Variants in ZNF486 observed in about 807,000 individuals in gnomAD.
The protein encoded by ZNF486 is KRAB box only protein 2.
In ZNF486, 12 loss-of-function variants were observed where a neutral mutation model predicts 12.8. That is an observed-to-expected ratio of 0.94 (90% CI 0.60 to 1.52). ZNF486 has a LOEUF of 1.52. Ranked by LOEUF, ZNF486 falls within the 40% of genes most tolerant of loss-of-function variation. The pLI is 0.00. For synonymous variants in ZNF486, 231 were observed against 184.9 expected (o/e 1.25, Z -2.02); for missense variants, 738 against 545.0 (o/e 1.35, Z -3.53).
chr19:20,173,257 G>T (rs1444252893), intron 1 of ZNF486, among the ~76,000 whole-genome samples: 1 of 152,114 alleles, frequency 6.6e-6, no homozygotes, highest in Non-Finnish European at 1.5e-5. Flanking sequence ...TAACGAAGGG[G>T]TCCAGCTTTA....
intron 1 of ZNF486, among the ~76,000 whole-genome samples, chr19:20,180,079 C>G (rs751491997): frequency 1.2e-4 from 18 of 152,218 alleles, no homozygotes; most frequent in Admixed American, 1.2e-3. Context: ...ATTGGGCCAA[C>G]AGCCCTGGTT....
At chr19:20,187,507 T>TC (rs1568323877) in intron 3 of ZNF486, among the ~76,000 whole-genome samples, 1 of 147,768 alleles carries the variant, frequency 6.8e-6, no homozygotes, top group African/African-American at 2.5e-5. Flanking sequence ...CAAGTTTTTT[T>TC]TTTTTTTTTT....
Position 20,167,613 on chromosome 19 carries a change from C to G in ZNF486, c.30+253C>G, listed in dbSNP as rs544577192. Reference sequence around the variant, plus strand: ...CCCTCTCTGTGCAGCAGCTCTCCACCCGCAGCTTCGGGTCTCTCCCAGATG... The same window carrying G: ...CCCTCTCTGTGCAGCAGCTCTCCACGCGCAGCTTCGGGTCTCTCCCAGATG... On this transcript the variant is annotated intron_variant, in intron 1 of 3. Transcript: ENST00000335117. Among the ~76,000 whole-genome samples the G allele has an allele frequency of 1.8e-3, 278 of 152,332 alleles. 2 individuals carry two copies. The highest frequency in any genetic ancestry group is 3.1e-3 in the Non-Finnish European group (209 of 68,020).
intron 1 of ZNF486, among the ~76,000 whole-genome samples, chr19:20,183,706 T>C (rs1261510322): frequency 6.6e-6 from 1 of 152,206 alleles, no homozygotes; most frequent in African/African-American, 2.4e-5. Context: ...CATTATTATG[T>C]TTATGCAGCT....
intron 3 of ZNF486, among the ~76,000 whole-genome samples, chr19:20,186,332 C>T (rs574375253): frequency 1.3e-5 from 2 of 152,074 alleles, no homozygotes; most frequent in African/African-American, 2.4e-5. Flanking sequence ...ACAGTGAGAG[C>T]GAAATTCCTC....
intron 2 of ZNF486, among the ~76,000 whole-genome samples, chr19:20,185,782 TA>T (rs1413639387): frequency 4.0e-5 from 6 of 149,604 alleles, no homozygotes; most frequent in Non-Finnish European, 8.8e-5. Context: ...AGCAACTTTT[TA>T]CTTATTTTAC....
rs950565090 is a variant in ZNF486 at position 20,198,758 on chromosome 19, G to C, written c.*656G>C. 2 of 152,492 alleles carry C rather than the reference G, an allele frequency of 1.3e-5. No individual in the cohort carries two copies. Among genetic ancestry groups the C allele is most frequent in the African/African-American group, 4.8e-5 (2 of 41,426 alleles). The allele number at this position is 152,492 out of a possible 1,614,324, so 9.4% of individuals were successfully genotyped here. ...GCTGGTCTCAAACTCCTGACCTCAG[G>C]TGATCCACTCGCCTCGGCTTCCTAA... On this transcript the variant is annotated 3_prime_UTR_variant, in exon 4 of 4. Coordinates refer to ENST00000335117, the MANE Select transcript of ZNF486 (RefSeq NM_052852.4).
Position 20,167,241 on chromosome 19 carries a change from T to G in ZNF486, c.-90T>G. On this transcript the variant is annotated 5_prime_UTR_variant, in exon 1 of 4. Coordinates refer to ENST00000335117, the MANE Select transcript of ZNF486 (RefSeq NM_052852.4). ...CTCTCGCTGCATCTGGAGCTCTAGG[T>G]CGCCTCTTCGCTACTCTGTGTCCTC... 6.6e-7 allele frequency: 1 copy of G among 1,520,080 alleles called. No homozygotes were observed. Among genetic ancestry groups the G allele is most frequent in the Non-Finnish European group, 9.1e-7 (1 of 1,095,046 alleles). 94.2% of individuals were successfully genotyped at this position (1,520,080 alleles called of 1,614,324 possible).
chr19:20,176,607 G>C (rs376128447), intron 1 of ZNF486: 1 of 166,414 alleles, frequency 6.0e-6, no homozygotes, highest in African/African-American at 2.4e-5. Flanking sequence ...CGGATCACTC[G>C]CGGTTAGGAG....
chr19:20,175,905 C>T (rs1009920723), intron 1 of ZNF486, among the ~76,000 whole-genome samples: 15 of 151,752 alleles, frequency 9.9e-5, no homozygotes, highest in Admixed American at 5.2e-4. Context: ...CCAGTAGGGG[C>T]GGCTGGGCAG....
rs574761000 is a variant in ZNF486, at chr19:20,176,800, C to T, written c.31-7556C>T. 81 of 152,960 alleles carry T rather than the reference C, an allele frequency of 5.3e-4. 1 individual carries two copies. The South Asian group carries it at 8.2e-3, about 15-fold the overall frequency. 9.5% of individuals were successfully genotyped at this position (152,960 alleles called of 1,614,324 possible). On this transcript the variant is annotated intron_variant, in intron 1 of 3. Coordinates refer to ENST00000335117, the MANE Select transcript of ZNF486 (RefSeq NM_052852.4). ...GTACAGTCCAGCTTCGGCTCGGCATCAGAGGGAGACTGTGGGGAGAGGGAG... is the reference window on the plus strand; with the variant it reads ...GTACAGTCCAGCTTCGGCTCGGCATTAGAGGGAGACTGTGGGGAGAGGGAG...
In ZNF486 at chr19:20,197,722, A is replaced by G. The variant is rs2089974566; in HGVS notation, c.1012A>G (p.Ser338Gly). 1.2e-6 allele frequency: 2 copies of G among 1,613,822 alleles called. No individual in the cohort carries two copies. Among genetic ancestry groups the G allele is most frequent in the African/African-American group, 2.7e-5 (2 of 74,876 alleles). The change falls in exon 4 of 4, where the codon AGT becomes GGT. Residue 338 changes from serine (S) to glycine (G), a missense_variant. Coordinates refer to ENST00000335117, the MANE Select transcript of ZNF486 (RefSeq NM_052852.4). ...GKAFISSSIL[S>G]KHEKIHTGEK... ...AGCCTTTATTTCATCCTCGATCCTT[A>G]GTAAACATGAGAAGATTCATACGGG...
chr19:20,168,093 G>A (rs1555713278), intron 1 of ZNF486, among the ~76,000 whole-genome samples: 2 of 152,176 alleles, frequency 1.3e-5, no homozygotes, highest in African/African-American at 4.8e-5. Flanking sequence ...CGGGCGCGGT[G>A]GCTCACGCCT....
chr19:20,194,689 T>A (rs544599449), intron 3 of ZNF486, among the ~76,000 whole-genome samples: 3 of 152,142 alleles, frequency 2.0e-5, no homozygotes, highest in South Asian at 4.2e-4. Flanking sequence ...GATTGCATCA[T>A]TGCACTCCAG....
chr19:20,170,039 C>T lies in ZNF486; in HGVS notation c.30+2679C>T, dbSNP rs557544687. 6.7e-3 allele frequency among the ~76,000 whole-genome samples: 1,021 copies of T among 151,540 alleles called. 10 individuals carry two copies. The highest frequency in any genetic ancestry group is 0.021 in the African/African-American group (877 of 41,364). On this transcript the variant is annotated intron_variant, in intron 1 of 3. Transcript: ENST00000335117. ...CCGAGTAGCTGGGACTACAGGCGCC[C>T]GCCACCACGCCCGGCTAATTTTTTT...
intron 3 of ZNF486, among the ~76,000 whole-genome samples, chr19:20,189,195 C>A (rs1398677672): frequency 6.6e-6 from 1 of 152,068 alleles, no homozygotes; most frequent in Non-Finnish European, 1.5e-5. Context: ...CTTCAGCCTC[C>A]CAAGTAGCTG....
At chr19:20,193,294 C>T (rs1599715922) in intron 3 of ZNF486, among the ~76,000 whole-genome samples, 1 of 150,172 alleles carries the variant, frequency 6.7e-6, no homozygotes, top group African/African-American at 2.5e-5. Context: ...TTTTTATGTA[C>T]CATCTTTTTT....
intron 1 of ZNF486, among the ~76,000 whole-genome samples, chr19:20,170,016 G>A (rs950542664): frequency 1.3e-5 from 2 of 148,204 alleles, no homozygotes; most frequent in Non-Finnish European, 3.0e-5. Flanking sequence ...TCAGCCTCCC[G>A]AGTAGCTGGG....
At position 20,198,127 on chromosome 19, in the gene ZNF486, T is replaced by G; in HGVS notation, c.*25T>G. On this transcript the variant is annotated 3_prime_UTR_variant, in exon 4 of 4. Coordinates refer to ENST00000335117, the MANE Select transcript of ZNF486 (RefSeq NM_052852.4). Reference sequence around the variant, plus strand: ...ACAAAGGATTATTTTATTATTATTATTTTTTTGAGAGGTAATTCTGCTGTT... The same window carrying G: ...ACAAAGGATTATTTTATTATTATTAGTTTTTTGAGAGGTAATTCTGCTGTT... 1 of 1,513,188 alleles carries G rather than the reference T, an allele frequency of 6.6e-7. No individual in the cohort carries two copies. Among genetic ancestry groups the G allele is most frequent in the East Asian group, 2.5e-5 (1 of 40,680 alleles). The allele number at this position is 1,513,188 out of a possible 1,614,324, so 93.7% of individuals were successfully genotyped here.
Sources: gnomAD v4.1 joint callset for allele counts (sites outside exome capture counted in the v4.1 genomes callset) on GRCh38, gnomAD v4.1.1 for gene constraint, MANE v1.5 for transcripts, NCBI Gene and HGNC (gene_info 2026-07-23, HGNC 2026-07-21) for gene names.